Variants in OXR1 observed in about 807,000 individuals in gnomAD.
OXR1 encodes oxidation resistance 1.
OXR1 carries 41 observed loss-of-function variants against 104.6 expected under a neutral mutation model. That is an observed-to-expected ratio of 0.39 (90% CI 0.31 to 0.51). The LOEUF (loss-of-function observed/expected upper bound fraction) is 0.51. Among genes scored for constraint, OXR1 ranks in the 20% least tolerant of loss-of-function variants. The probability of loss-of-function intolerance (pLI) is 0.77; values close to 1 mark genes in which losing one functional copy is unlikely to be tolerated. For missense variants in OXR1, 955 were observed against 1,031.9 expected (o/e 0.93, Z 1.02); for synonymous variants, 348 against 348.4 (o/e 1.00, Z 0.01).
At chr8:106,487,418 T>A (rs1316307998) in intron 2 of OXR1, among the ~76,000 whole-genome samples, 1 of 148,748 alleles carries the variant, frequency 6.7e-6, no homozygotes, top group African/African-American at 2.5e-5. Context: ...GGGATACATG[T>A]GATATTTTGT....
chr8:106,363,339 G>C (rs1816327756), intron 2 of OXR1, among the ~76,000 whole-genome samples: 1 of 151,986 alleles, frequency 6.6e-6, no homozygotes, highest in Non-Finnish European at 1.5e-5. Context: ...AAAACAAAAG[G>C]GATATTTGTT....
chr8:106,423,939 T>G (rs1819005049), intron 2 of OXR1, among the ~76,000 whole-genome samples: 3 of 152,144 alleles, frequency 2.0e-5, no homozygotes, highest in Admixed American at 2.0e-4. Flanking sequence ...GATTTTTTGT[T>G]TGTTTTTGTT....
intron 2 of OXR1, among the ~76,000 whole-genome samples, chr8:106,474,744 C>T (rs1488851581): frequency 1.3e-5 from 2 of 151,890 alleles, no homozygotes; most frequent in Non-Finnish European, 2.9e-5. Flanking sequence ...TATCCCTTTC[C>T]AGAAAAGCTT....
chr8:106,297,670 A>G (rs1188184778), intron 1 of OXR1, among the ~76,000 whole-genome samples: 1 of 152,220 alleles, frequency 6.6e-6, no homozygotes, highest in East Asian at 1.9e-4. Context: ...GTTGACTAAA[A>G]TGTCATCATG....
At chr8:106,609,392 A>G (rs889812221) in intron 3 of OXR1, among the ~76,000 whole-genome samples, 3 of 152,192 alleles carry the variant, frequency 2.0e-5, no homozygotes, top group African/African-American at 4.8e-5. Context: ...ATCACATAGT[A>G]GCTTTGCCCT....
chr8:106,395,682 C>T lies in OXR1; in HGVS notation c.23+36046C>T, dbSNP rs74695009. Among the ~76,000 whole-genome samples the T allele has an allele frequency of 5.7e-3, 860 of 152,184 alleles. 9 individuals are homozygous for T. The highest frequency in any genetic ancestry group is 0.019 in the African/African-American group (784 of 41,506). On this transcript the variant is annotated intron_variant, in intron 2 of 16. Transcript: ENST00000517566. ...AAAGTATAGATATGTGTGTATACAT[C>T]GTTTAGTACAGATACATCTATTTCC...
chr8:106,591,307 G>C (rs1819068195), intron 3 of OXR1, among the ~76,000 whole-genome samples: 1 of 97,232 alleles, frequency 1.0e-5, no homozygotes, highest in Non-Finnish European at 2.0e-5. Flanking sequence ...GGAGGGGGGA[G>C]GGGGGAGGGA....
chr8:106,679,339 T>G (rs1827918071), intron 4 of OXR1, 47 bp downstream of exon 4: 1 of 960,958 alleles, frequency 1.0e-6, no homozygotes, highest in African/African-American at 1.7e-5. Context: ...GTAAGAGTCT[T>G]CTTTAAGACA....
At chr8:106,543,797 C>T (rs373244934) in intron 3 of OXR1, among the ~76,000 whole-genome samples, 7 of 152,276 alleles carry the variant, frequency 4.6e-5, no homozygotes, top group Admixed American at 2.0e-4. Context: ...TTGTTGAGAC[C>T]TAACCAAGAA....
At chr8:106,718,940 G>A in intron 11 of OXR1, among the ~76,000 whole-genome samples, 1 of 151,940 alleles carries the variant, frequency 6.6e-6, no homozygotes, top group Non-Finnish European at 1.5e-5. Flanking sequence ...AATGATTAAG[G>A]AAACCTTTCT....
intron 3 of OXR1, among the ~76,000 whole-genome samples, chr8:106,565,311 C>G (rs1045068449): frequency 1.3e-5 from 2 of 152,082 alleles, no homozygotes; most frequent in African/African-American, 4.8e-5. Flanking sequence ...GCAAAAATCA[C>G]AAGTGTTCCA....
chr8:106,701,594 A>G (rs1299233351), intron 7 of OXR1, among the ~76,000 whole-genome samples: 1 of 152,178 alleles, frequency 6.6e-6, no homozygotes, highest in African/African-American at 2.4e-5. Context: ...TACAGGATAT[A>G]TAGTGGACTG....
chr8:106,688,933 A>G (rs1829016828), intron 6 of OXR1, among the ~76,000 whole-genome samples: 1 of 152,164 alleles, frequency 6.6e-6, no homozygotes, highest in Admixed American at 6.5e-5. Flanking sequence ...GTCACAATTT[A>G]TAGGAACTAG....
intron 2 of OXR1, among the ~76,000 whole-genome samples, chr8:106,378,367 G>T (rs1816992700): frequency 6.6e-6 from 1 of 152,166 alleles, no homozygotes; most frequent in African/African-American, 2.4e-5. Flanking sequence ...TTAGGAACTG[G>T]AAACCCATTA....
Position 106,658,209 on chromosome 8 carries a change from C to T in OXR1, c.221-21001C>T, listed in dbSNP as rs1825347574. 8.1e-6 allele frequency: 10 copies of T among 1,233,994 alleles called. No individual in the cohort carries two copies. The East Asian group carries it at 3.2e-4, about 39-fold the overall frequency. The allele number at this position is 1,233,994 out of a possible 1,614,324, so 76.4% of individuals were successfully genotyped here. A position where few individuals can be genotyped will look rare whatever the true frequency, so the allele number is the denominator to read the frequency against. On this transcript the variant is annotated intron_variant, in intron 3 of 16. Coordinates refer to ENST00000517566, the MANE Select transcript of OXR1 (RefSeq NM_001198533.2). ...TGGTGAGCCCACCTTTCTTTCGCCT[C>T]CCGCGCGGCCGACCTGGGCTGAGGG...
intron 3 of OXR1, chr8:106,581,359 A>C (rs778290202): frequency 6.0e-5 from 34 of 568,528 alleles, no homozygotes; most frequent in Non-Finnish European, 9.1e-5. Flanking sequence ...GAATGTATAA[A>C]TTAACCAAAT....
At chr8:106,705,517 A>G (rs1255532848) in intron 8 of OXR1, among the ~76,000 whole-genome samples, 7 of 152,156 alleles carry the variant, frequency 4.6e-5, no homozygotes, top group Admixed American at 4.6e-4. Context: ...CCTTTTCAGC[A>G]TATTTTACAT....
At position 106,742,245 on chromosome 8, in the gene OXR1, G is replaced by A. The variant is rs1681904; in HGVS notation, c.2340G>A (p.Glu780=). ...AGGTTTTTGGTGCGTTAGCATCTGA[G>A]CCACTGAAAGTGAGTGATGGCTTTT... ...DGQVFGALAS[E]PLKVSDGFYG... is the part of the protein sequence containing the mutation. Residue 780 remains glutamate, a synonymous_variant, in exon 15 of 17, where the codon GAG becomes GAA. Coordinates refer to ENST00000517566, the MANE Select transcript of OXR1 (RefSeq NM_001198533.2). The A allele has an allele frequency of 0.43, 694,918 of 1,601,598 alleles. 154,363 individuals are homozygous for A. The highest frequency in any genetic ancestry group is 0.51 in the Admixed American group (30,577 of 59,698).
chr8:106,595,268 C>T (rs1819427784), intron 3 of OXR1, among the ~76,000 whole-genome samples: 1 of 152,130 alleles, frequency 6.6e-6, no homozygotes, highest in African/African-American at 2.4e-5. Flanking sequence ...GAGTGTAGAA[C>T]TGGCCGGGTG....
Sources: allele counts gnomAD v4.1 joint callset (sites outside exome capture counted in the v4.1 genomes callset), GRCh38; gene constraint gnomAD v4.1.1; transcripts MANE v1.5; gene names NCBI Gene and HGNC (gene_info 2026-07-23, HGNC 2026-07-21).